Variants in GLRA3 observed in about 807,000 individuals in gnomAD.
GLRA3 encodes glycine receptor subunit alpha-3.
GLRA3 carries 44 observed loss-of-function variants against 60.4 expected under a neutral mutation model. The observed-to-expected ratio is 0.73, with a 90% confidence interval of 0.57 to 0.94. GLRA3 has a LOEUF of 0.94. GLRA3 is among the 40% of genes least tolerant of loss of function. The pLI, the probability that GLRA3 is intolerant of heterozygous loss-of-function variation, is 0.00. For synonymous variants in GLRA3, 223 were observed against 192.9 expected, an observed-to-expected ratio of 1.16 and a Z score of -1.29; for missense variants, 508 against 564.6, an observed-to-expected ratio of 0.90 and a Z score of 1.02.
chr4:174,659,324 G>A lies in GLRA3; in HGVS notation c.928-127C>T, dbSNP rs75754580. 9,467 of 677,402 alleles carry A rather than the reference G, an allele frequency of 0.014. 603 individuals carry two copies. The African/African-American group carries it at 0.15, about 11-fold the overall frequency. The allele number at this position is 677,402 out of a possible 1,614,324, so 42.0% of individuals were successfully genotyped here. On this transcript the variant is annotated intron_variant, in intron 7 of 9. Coordinates refer to ENST00000274093, the MANE Select transcript of GLRA3 (RefSeq NM_006529.4). ...ATAAGTTTTAAAAAATAAAGAAAAT[G>A]ACAATTTTTTCTTGAAGTTTCCTTA...
intron 5 of GLRA3, chr4:174,712,923 A>G (rs1398596027): frequency 6.6e-6 from 1 of 151,994 alleles, no homozygotes; most frequent in African/African-American, 2.4e-5. Flanking sequence ...ATATATACAC[A>G]CATATGTATA....
At chr4:174,796,492 T>C (rs1739573649) in intron 1 of GLRA3, among the ~76,000 whole-genome samples, 1 of 152,128 alleles carries the variant, frequency 6.6e-6, no homozygotes, top group Admixed American at 6.5e-5. Flanking sequence ...CAAATTTACA[T>C]TGAGTTATTG....
At chr4:174,810,549 A>G (rs913218822) in intron 1 of GLRA3, among the ~76,000 whole-genome samples, 1 of 152,094 alleles carries the variant, frequency 6.6e-6, no homozygotes, top group Non-Finnish European at 1.5e-5. Flanking sequence ...ATTATCTCCA[A>G]GAAGGGAACT....
chr4:174,751,670 G>T (rs533074766), intron 3 of GLRA3, among the ~76,000 whole-genome samples: 1 of 152,068 alleles, frequency 6.6e-6, no homozygotes, highest in Non-Finnish European at 1.5e-5. Context: ...GTAGCCCACT[G>T]AGTAATGAGT....
chr4:174,653,657 T>C (rs1373759182), intron 9 of GLRA3, among the ~76,000 whole-genome samples: 1 of 151,992 alleles, frequency 6.6e-6, no homozygotes, highest in African/African-American at 2.4e-5. Flanking sequence ...AATGATTTAT[T>C]TAAAAATCTA....
intron 5 of GLRA3, among the ~76,000 whole-genome samples, chr4:174,690,104 A>G (rs1353733425): frequency 2.0e-5 from 3 of 152,250 alleles, no homozygotes; most frequent in Non-Finnish European, 4.4e-5. Flanking sequence ...TGCAGAAGAC[A>G]AATACCGCAT....
intron 1 of GLRA3, among the ~76,000 whole-genome samples, chr4:174,810,235 G>C (rs927502479): frequency 6.6e-6 from 1 of 152,096 alleles, no homozygotes; most frequent in Admixed American, 6.6e-5. Context: ...AGGACAATCA[G>C]AAGTGAGAGG....
At chr4:174,733,538 T>C (rs1390063587) in intron 3 of GLRA3, among the ~76,000 whole-genome samples, 1 of 152,142 alleles carries the variant, frequency 6.6e-6, no homozygotes, top group Non-Finnish European at 1.5e-5. Context: ...TATCAGCCAG[T>C]GCACCCAGAA....
chr4:174,649,220 G>A (rs1164265171), intron 9 of GLRA3, among the ~76,000 whole-genome samples: 1 of 152,090 alleles, frequency 6.6e-6, no homozygotes, highest in Non-Finnish European at 1.5e-5. Flanking sequence ...AAAATATGTG[G>A]TAATATGCTG....
At chr4:174,741,861 C>A (rs543914690) in intron 3 of GLRA3, among the ~76,000 whole-genome samples, 1 of 152,216 alleles carries the variant, frequency 6.6e-6, no homozygotes, top group Non-Finnish European at 1.5e-5. Context: ...ATGCTATTTT[C>A]TTATGGTGCA....
At chr4:174,646,143 G>C (rs1732802590) in intron 9 of GLRA3, among the ~76,000 whole-genome samples, 1 of 152,170 alleles carries the variant, frequency 6.6e-6, no homozygotes, top group Non-Finnish European at 1.5e-5. Context: ...AAGCAGTTGA[G>C]AAATTCATTA....
rs1256365985 is a variant in GLRA3 at position 174,641,173 on chromosome 4, A to G, written c.*2613T>C. 1 of 152,148 alleles carries G rather than the reference A, an allele frequency of 6.6e-6. No individual in the cohort carries two copies. The highest frequency in any genetic ancestry group is 1.5e-5 in the Non-Finnish European group (1 of 67,978). 9.4% of individuals were successfully genotyped at this position (152,148 alleles called of 1,614,324 possible). A position where few individuals can be genotyped will look rare whatever the true frequency, so the allele number is the denominator to read the frequency against. Reference sequence around the variant, plus strand: ...ATACATGAAAATCCCATATTTTCTAATGTGGCTATTTTAAAATACTTCAGA... The same window carrying G: ...ATACATGAAAATCCCATATTTTCTAGTGTGGCTATTTTAAAATACTTCAGA... On this transcript the variant is annotated 3_prime_UTR_variant, in exon 10 of 10. Transcript: ENST00000274093.
chr4:174,808,349 T>C (rs1211106365), intron 1 of GLRA3, among the ~76,000 whole-genome samples: 1 of 152,070 alleles, frequency 6.6e-6, no homozygotes, highest in African/African-American at 2.4e-5. Context: ...CCTAGTGATG[T>C]CATACCCATG....
chr4:174,807,443 G>A (rs1203415439), intron 1 of GLRA3, among the ~76,000 whole-genome samples: 1 of 151,938 alleles, frequency 6.6e-6, no homozygotes, highest in Non-Finnish European at 1.5e-5. Flanking sequence ...ACAAGTTTCT[G>A]GGAGATGAAA....
intron 1 of GLRA3, among the ~76,000 whole-genome samples, chr4:174,803,977 A>C (rs1230429529): frequency 1.3e-5 from 2 of 152,176 alleles, no homozygotes; most frequent in Non-Finnish European, 2.9e-5. Flanking sequence ...TTTTCCTTAA[A>C]TAATTTCTCA....
intron 3 of GLRA3, among the ~76,000 whole-genome samples, chr4:174,736,857 AAAC>A (rs1736811169): frequency 6.6e-6 from 1 of 152,204 alleles, no homozygotes; most frequent in African/African-American, 2.4e-5. Context: ...TAAAATATGA[AAAC>A]AATAGCTACT....
chr4:174,762,268 T>A (rs10010377), intron 3 of GLRA3, among the ~76,000 whole-genome samples: 144,040 of 152,172 alleles, frequency 0.95, 68,653 homozygotes, highest in East Asian at 1. Flanking sequence ...GAAATTTCTT[T>A]CTTGCTTCTG....
rs535654046 is a variant in GLRA3, at chr4:174,827,925, A to G, written c.71+816T>C. 4.6e-5 allele frequency among the ~76,000 whole-genome samples: 7 copies of G among 152,246 alleles called. No individual in the cohort carries two copies. The East Asian group carries it at 1.3e-3, about 29-fold the overall frequency. ...GGAAATCCTATGGTAATTAATTGTAACAGTAAAATTAAATTTATATTGGTG... is the reference window on the plus strand; with the variant it reads ...GGAAATCCTATGGTAATTAATTGTAGCAGTAAAATTAAATTTATATTGGTG... On this transcript the variant is annotated intron_variant, in intron 1 of 9. Transcript: ENST00000274093.
At chr4:174,712,185 A>G (rs17298154) in intron 5 of GLRA3, among the ~76,000 whole-genome samples, 22,823 of 152,082 alleles carry the variant, frequency 0.15, 1,757 homozygotes, top group East Asian at 0.19. Context: ...TTGAGGGCAT[A>G]GGATCATTGA....
Sources: allele counts gnomAD v4.1 joint callset (sites outside exome capture counted in the v4.1 genomes callset), GRCh38; gene constraint gnomAD v4.1.1; transcripts MANE v1.5; gene names NCBI Gene and HGNC (gene_info 2026-07-23, HGNC 2026-07-21).